Variants in EVC observed in about 807,000 individuals in gnomAD.
EVC encodes the protein EvC ciliary complex subunit 1, also known as evC complex member EVC.
EVC carries 116 observed loss-of-function variants against 118.9 expected under a neutral mutation model. The observed-to-expected ratio is 0.98, with a 90% CI of 0.84 to 1.14. The LOEUF (loss-of-function observed/expected upper bound fraction) is 1.14. EVC is among the 50% of genes most tolerant of loss of function. The probability of loss-of-function intolerance (pLI) is 0.00; values close to 1 mark genes in which losing one functional copy is unlikely to be tolerated. For synonymous variants in EVC, 619 were observed against 534.7 expected (o/e 1.16, Z -2.18); for missense variants, 1,401 against 1,246.4 (o/e 1.12, Z -1.87).
At chr4:5,786,717 C>G (rs1711689349) in intron 12 of EVC, among the ~76,000 whole-genome samples, 1 of 152,004 alleles carries the variant, frequency 6.6e-6, no homozygotes, top group Non-Finnish European at 1.5e-5. Flanking sequence ...ACTAAAAATA[C>G]AAAAATTAGC....
intron 11 of EVC, among the ~76,000 whole-genome samples, chr4:5,763,981 G>C (rs978462711): frequency 6.9e-6 from 1 of 144,854 alleles, no homozygotes; most frequent in Non-Finnish European, 1.5e-5. Flanking sequence ...TCTTGTGCCA[G>C]TTTTCAAAGG....
At chr4:5,716,572 C>T (rs991185293) in intron 1 of EVC, among the ~76,000 whole-genome samples, 2 of 152,068 alleles carry the variant, frequency 1.3e-5, no homozygotes, top group African/African-American at 2.4e-5. Context: ...CAGAGTGGAT[C>T]CATTGGATGG....
Position 5,797,126 on chromosome 4 carries a change from T to A in EVC, c.1991T>A (p.Leu664Gln), listed in dbSNP as rs1714110723. ...NALATLTQMRLSGKKHLLQEL... is the reference protein window; with the variant it reads ...NALATLTQMRQSGKKHLLQEL... ...CTGGCCACCCTGACGCAGATGCGGC[T>A]ATCGGGGAAGAAGCACCTCCTGCAG... The change falls in exon 14 of 21, where the codon CTA (leucine) becomes CAA (glutamine). Residue 664 changes from leucine to glutamine, a missense_variant. Leu to Gln is a moderately radical substitution (Grantham distance 113, BLOSUM62 -2). Transcript: ENST00000264956. 6.2e-7 allele frequency: 1 copy of A among 1,613,616 alleles called. No individual in the cohort carries two copies. Among genetic ancestry groups the A allele is most frequent in the African/African-American group, 1.3e-5 (1 of 75,066 alleles).
At chr4:5,748,565 T>TATTCATCC in intron 8 of EVC, among the ~76,000 whole-genome samples, 1 of 90,678 alleles carries the variant, frequency 1.1e-5, no homozygotes, top group African/African-American at 4.6e-5. Context: ...CCCACCCATT[T>TATTCATCC]ATCCATCCAT....
chr4:5,726,568 CTTTT>C (rs34483285), intron 2 of EVC, among the ~76,000 whole-genome samples: 1 of 134,516 alleles, frequency 7.4e-6, no homozygotes, highest in Non-Finnish European at 1.6e-5. Flanking sequence ...CTTCTCTTTT[CTTTT>C]TTTTTTTTTT....
chr4:5,718,779 A>C (rs1461459223), intron 1 of EVC, among the ~76,000 whole-genome samples: 3 of 152,242 alleles, frequency 2.0e-5, no homozygotes, highest in Non-Finnish European at 4.4e-5. Context: ...GTAGTTCAGA[A>C]TAGAAACTAC....
Position 5,738,402 on chromosome 4 carries a change from A to G in EVC, c.703-3314A>G, listed in dbSNP as rs571049885. On this transcript the variant is annotated intron_variant, in intron 5 of 20. Coordinates refer to ENST00000264956, the MANE Select transcript of EVC (RefSeq NM_153717.3). The surrounding 1 kb of genome is among the most constrained non-coding windows in gnomAD (Gnocchi z 6.5). Reference sequence around the variant, plus strand: ...GATTGACTCCAAGTTTTAAAGTTCTACTGTGGGCAAATTGCTATCGAATAG... The same window carrying G: ...GATTGACTCCAAGTTTTAAAGTTCTGCTGTGGGCAAATTGCTATCGAATAG... Among the ~76,000 whole-genome samples, 1 of 152,318 alleles carries G rather than the reference A, an allele frequency of 6.6e-6. No homozygotes were observed. The highest frequency in any genetic ancestry group is 2.1e-4 in the South Asian group (1 of 4,818).
chr4:5,723,509 T>C (rs979232378), intron 2 of EVC, among the ~76,000 whole-genome samples: 1 of 151,998 alleles, frequency 6.6e-6, no homozygotes, highest in African/African-American at 2.4e-5. Context: ...CATAATTAGG[T>C]TTTTGTTTTG....
chr4:5,733,452 G>T lies in EVC; in HGVS notation c.702+17G>T, dbSNP rs559719173. On this transcript the variant is annotated intron_variant, in intron 5 of 20. Transcript: ENST00000264956. ...AAGCATATGGTAGGTGGAGATGTTC[G>T]CATTCCCTCCTTTTCATGGGGACAG... The T allele has an allele frequency of 5.7e-5, 92 of 1,603,994 alleles. No homozygotes were observed. The South Asian group carries it at 9.0e-4, about 16-fold the overall frequency.
intron 11 of EVC, among the ~76,000 whole-genome samples, chr4:5,764,161 A>C (rs888428043): frequency 7.0e-6 from 1 of 142,184 alleles, no homozygotes; most frequent in African/African-American, 2.6e-5. Context: ...TGAGATAATC[A>C]TGTGGTTTTT....
chr4:5,723,707 C>A (rs1725352534), intron 2 of EVC, among the ~76,000 whole-genome samples: 2 of 152,116 alleles, frequency 1.3e-5, no homozygotes. Context: ...GGGCTGGTGT[C>A]CTGGGTGTGA....
At position 5,810,704 on chromosome 4, in the gene EVC, T is replaced by C. The variant is rs2279248; in HGVS notation, c.2895-249T>C. On this transcript the variant is annotated intron_variant, in intron 20 of 20. Transcript: ENST00000264956. ...AGCCTTGACCTACCTCCACACCCCATTGGCATCCAGCCTGAAGTGTTGGGC... is the reference window on the plus strand; with the variant it reads ...AGCCTTGACCTACCTCCACACCCCACTGGCATCCAGCCTGAAGTGTTGGGC... Among the ~76,000 whole-genome samples, 36,476 of 152,026 alleles carry C rather than the reference T, an allele frequency of 0.24. 4,721 individuals are homozygous for C. Among genetic ancestry groups the C allele is most frequent in the Non-Finnish European group, 0.26 (18,002 of 67,966 alleles).
chr4:5,787,190 C>G (rs1711822174), intron 12 of EVC, among the ~76,000 whole-genome samples: 1 of 152,216 alleles, frequency 6.6e-6, no homozygotes, highest in African/African-American at 2.4e-5. Flanking sequence ...ATTTAATCTG[C>G]TCTAATGCAG....
chr4:5,727,622 G>C (rs1482389816), intron 2 of EVC, among the ~76,000 whole-genome samples: 1 of 151,496 alleles, frequency 6.6e-6, no homozygotes. Context: ...ATTGCTTTTG[G>C]TGTTTTAGAC....
intron 11 of EVC, among the ~76,000 whole-genome samples, chr4:5,779,848 A>T (rs1449869153): frequency 6.9e-6 from 1 of 143,964 alleles, no homozygotes; most frequent in Non-Finnish European, 1.5e-5. Context: ...TCTCCTGCCT[A>T]ATTGCCCTGG....
In EVC at chr4:5,738,993, A is replaced by G. The variant is rs895365411; in HGVS notation, c.703-2723A>G. ...TGCTATTGTACACTTAGACTACAGT[A>G]TAGTGTAAACATAGCTTTTATATGC... is the stretch of plus-strand genomic sequence containing the variant. On this transcript the variant is annotated intron_variant, in intron 5 of 20. Coordinates refer to ENST00000264956, the MANE Select transcript of EVC (RefSeq NM_153717.3). This position sits in a 1 kb window ranked among gnomAD's most constrained non-coding sequence, Gnocchi z 6.5. Among the ~76,000 whole-genome samples, 1 of 152,210 alleles carries G rather than the reference A, an allele frequency of 6.6e-6. No homozygotes were observed. Among genetic ancestry groups the G allele is most frequent in the Non-Finnish European group, 1.5e-5 (1 of 68,040 alleles).
chr4:5,794,485 C>T (rs1713566576), intron 13 of EVC, among the ~76,000 whole-genome samples: 1 of 150,446 alleles, frequency 6.6e-6, no homozygotes, highest in African/African-American at 2.4e-5. Flanking sequence ...TGGCTCACTG[C>T]AACTTCCCTC....
chr4:5,805,792 G>A (rs959606385), intron 17 of EVC, among the ~76,000 whole-genome samples: 4 of 152,098 alleles, frequency 2.6e-5, no homozygotes, highest in South Asian at 2.1e-4. Context: ...TGTTGGGAAA[G>A]GGGGTGCATG....
rs1199182851 is a variant in EVC at position 5,719,823 on chromosome 4, C to T, written c.300+450C>T. 1.3e-5 allele frequency among the ~76,000 whole-genome samples: 2 copies of T among 152,184 alleles called. No individual in the cohort carries two copies. The highest frequency in any genetic ancestry group is 2.4e-5 in the African/African-American group (1 of 41,448). On this transcript the variant is annotated intron_variant, in intron 2 of 20. Coordinates refer to ENST00000264956, the MANE Select transcript of EVC (RefSeq NM_153717.3). The surrounding 1 kb of genome is among the most constrained non-coding windows in gnomAD (Gnocchi z 4.7). ...CAATAATTCACCCATTTTTATTGCT[C>T]AGTGGCAGTCAACTGTGTGGATGTG...
Sources: allele counts gnomAD v4.1 joint callset (sites outside exome capture counted in the v4.1 genomes callset), GRCh38; gene constraint gnomAD v4.1.1; non-coding constraint Gnocchi (gnomAD v3.1); transcripts MANE v1.5; gene names NCBI Gene and HGNC (gene_info 2026-07-23, HGNC 2026-07-21).